Variants in UBE2Z observed in about 807,000 individuals in gnomAD.
The protein encoded by UBE2Z is ubiquitin-conjugating enzyme E2 Z.
Under a neutral mutation model 32.6 loss-of-function variants are expected in UBE2Z, and 10 were observed. That is an observed-to-expected ratio of 0.31 (90% confidence interval 0.19 to 0.52). The LOEUF (loss-of-function observed/expected upper bound fraction) is 0.52. Among genes scored for constraint, UBE2Z ranks in the 20% least tolerant of loss-of-function variants. The pLI, the probability that UBE2Z is intolerant of heterozygous loss-of-function variation, is 0.97. For missense variants in UBE2Z, 343 were observed against 480.9 expected, an observed-to-expected ratio of 0.71 and a Z score of 2.68; for synonymous variants, 183 against 190.8, an observed-to-expected ratio of 0.96 and a Z score of 0.34.
chr17:48,911,650 A>G (rs2040678503), intron 2 of UBE2Z: 1 of 152,150 alleles, frequency 6.6e-6, no homozygotes, highest in South Asian at 2.1e-4. Context: ...GTTGTTTTGA[A>G]TAGATTTCCC....
At chr17:48,913,311 A>G (rs772049597) in intron 3 of UBE2Z, among the ~76,000 whole-genome samples, 9 of 152,114 alleles carry the variant, frequency 5.9e-5, no homozygotes, top group Non-Finnish European at 8.8e-5. Context: ...TAGACCTACA[A>G]AAGAAACTCT....
In UBE2Z at chr17:48,908,551, G is replaced by A. The variant is rs2040646530; in HGVS notation, c.48G>A (p.Ala16=). The A allele has an allele frequency of 8.1e-7, 1 of 1,236,888 alleles. No homozygotes were observed. 76.6% of individuals were successfully genotyped at this position (1,236,888 alleles called of 1,614,324 possible). ...TEEAATAGAG[A]AGPGASSVAG... is the part of the protein sequence containing the mutation. ...AGGCGGCAACGGCGGGCGCCGGGGC[G>A]GCGGGCCCCGGGGCGAGCAGCGTTG... is the stretch of plus-strand genomic sequence containing the variant. Residue 16 remains alanine, a synonymous_variant, in exon 1 of 7, where the codon GCG becomes GCA. Coordinates refer to ENST00000360943, the MANE Select transcript of UBE2Z (RefSeq NM_023079.5).
chr17:48,910,864 C>T lies in UBE2Z; in HGVS notation c.374C>T (p.Thr125Ile). The change falls in exon 2 of 7, where the codon ACT becomes ATT. Residue 125 changes from threonine to isoleucine, a missense_variant. Physicochemically the swap from Thr to Ile is moderately conservative, Grantham distance 89. Coordinates refer to ENST00000360943, the MANE Select transcript of UBE2Z (RefSeq NM_023079.5). ...CCAGGAATGTTCGTTGTACCTGATA[C>T]TGTTGACATGACTAAGGTATGTAAC... ...PPPGMFVVPD[T>I]VDMTKIHALI... 6.2e-7 allele frequency: 1 copy of T among 1,613,334 alleles called. No homozygotes were observed. Among genetic ancestry groups the T allele is most frequent in the Non-Finnish European group, 8.5e-7 (1 of 1,179,566 alleles).
chr17:48,910,918 A>C, intron 2 of UBE2Z, 38 bp downstream of exon 2: 2 of 1,517,916 alleles, frequency 1.3e-6, no homozygotes, highest in Non-Finnish European at 1.8e-6. Context: ...GTTTTGGGAA[A>C]TTGGGGGCCA....
rs537832249 is a variant in UBE2Z at position 48,919,644 on chromosome 17, A to G, written c.691-1516A>G. On this transcript the variant is annotated intron_variant, in intron 4 of 6. Coordinates refer to ENST00000360943, the MANE Select transcript of UBE2Z (RefSeq NM_023079.5). ...GGTGCACACCACCAATGCCCAGCTA[A>G]TTTTTGTATTTTTTATAGAGACGGG... Among the ~76,000 whole-genome samples, 9 of 152,144 alleles carry G rather than the reference A, an allele frequency of 5.9e-5. No homozygotes were observed. The South Asian group carries it at 1.9e-3, about 32-fold the overall frequency.
At chr17:48,923,307 C>A (rs1379421863) in intron 6 of UBE2Z, among the ~76,000 whole-genome samples, 1 of 120,480 alleles carries the variant, frequency 8.3e-6, no homozygotes, top group Non-Finnish European at 1.6e-5. Context: ...GACAACAGAC[C>A]GAGACTCTGT....
Position 48,926,983 on chromosome 17 carries a change from G to C in UBE2Z, c.914G>C (p.Arg305Pro). ...CCACAGGACCCTTTTGGAGAGAAGC[G>C]GGGCCACTTTGACTACCAGTCCCTC... ...QTMQDPFGEK[R>P]GHFDYQSLLM... The change falls in exon 7 of 7, where the codon CGG becomes CCG. Residue 305 changes from arginine (R) to proline (P), a missense_variant. Coordinates refer to ENST00000360943, the MANE Select transcript of UBE2Z (RefSeq NM_023079.5). 2 of 1,613,002 alleles carry C rather than the reference G, an allele frequency of 1.2e-6. No homozygotes were observed.
Position 48,928,794 on chromosome 17 carries a change from G to A in UBE2Z, c.*1660G>A, listed in dbSNP as rs1456411227. On this transcript the variant is annotated 3_prime_UTR_variant, in exon 7 of 7. Transcript: ENST00000360943. ...ATTCCTCGAGCTACTCCAGGGCTTA[G>A]AAGAATGCTCTTGGTCTGTGGGTCC... 2.0e-5 allele frequency: 3 copies of A among 152,664 alleles called. No individual in the cohort carries two copies. Among genetic ancestry groups the A allele is most frequent in the African/African-American group, 7.2e-5 (3 of 41,446 alleles). The allele number at this position is 152,664 out of a possible 1,614,324, so 9.5% of individuals were successfully genotyped here.
intron 4 of UBE2Z, among the ~76,000 whole-genome samples, chr17:48,920,149 C>T (rs1257189616): frequency 6.6e-6 from 1 of 152,008 alleles, no homozygotes; most frequent in Non-Finnish European, 1.5e-5. Context: ...GATCATGCCA[C>T]CACTCTCCAG....
chr17:48,922,997 C>A, intron 6 of UBE2Z, 60 bp downstream of exon 6: 1 of 1,468,042 alleles, frequency 6.8e-7, no homozygotes, highest in Non-Finnish European at 9.4e-7. Flanking sequence ...AAAAGCCCCC[C>A]ACAAGCGTGG....
chr17:48,909,645 C>T (rs747535341), intron 1 of UBE2Z, among the ~76,000 whole-genome samples: 9 of 148,794 alleles, frequency 6.0e-5, no homozygotes, highest in Non-Finnish European at 1.0e-4. Context: ...GTGCTTATTT[C>T]TTGGGTGACT....
At chr17:48,909,505 A>G (rs2040659749) in intron 1 of UBE2Z, among the ~76,000 whole-genome samples, 1 of 149,286 alleles carries the variant, frequency 6.7e-6, no homozygotes, top group Non-Finnish European at 1.5e-5. Context: ...CTGGATTGTA[A>G]TATCCCACTC....
intron 2 of UBE2Z, 33 bp from the exon 3 acceptor site, chr17:48,912,801 C>T (rs1438687851): frequency 6.2e-7 from 1 of 1,611,194 alleles, no homozygotes. Context: ...GGGTCATCAC[C>T]TCACAATTTT....
intron 4 of UBE2Z, among the ~76,000 whole-genome samples, chr17:48,919,876 G>T (rs938364797): frequency 6.6e-6 from 1 of 152,124 alleles, no homozygotes; most frequent in Non-Finnish European, 1.5e-5. Flanking sequence ...ACTTGTTGAT[G>T]CCTGAAGGTT....
intron 3 of UBE2Z, among the ~76,000 whole-genome samples, chr17:48,913,428 C>T (rs2040695323): frequency 6.6e-6 from 1 of 152,174 alleles, no homozygotes; most frequent in South Asian, 2.1e-4. Flanking sequence ...GATCTTGGCT[C>T]ACTGCAACCT....
At chr17:48,921,771 G>A (rs1158691426) in intron 5 of UBE2Z, among the ~76,000 whole-genome samples, 2 of 152,208 alleles carry the variant, frequency 1.3e-5, no homozygotes, top group Non-Finnish European at 2.9e-5. Context: ...GCTCACGCCT[G>A]TAATCCTAGT....
chr17:48,917,286 C>A (rs2040727383), intron 4 of UBE2Z, among the ~76,000 whole-genome samples: 1 of 152,086 alleles, frequency 6.6e-6, no homozygotes, highest in African/African-American at 2.4e-5. Context: ...GCCTGAGCGA[C>A]AGAGCGAGAC....
chr17:48,908,904 C>T (rs1176879453), intron 1 of UBE2Z, 84 bp downstream of exon 1: 2 of 1,019,948 alleles, frequency 2.0e-6, no homozygotes, highest in African/African-American at 2.0e-5. Context: ...TACAACTCAC[C>T]CCCCACCCAC....
chr17:48,916,238 T>G (rs187436865), intron 4 of UBE2Z, 51 bp downstream of exon 4: 190 of 1,053,756 alleles, frequency 1.8e-4, no homozygotes, highest in East Asian at 8.4e-4. Context: ...TTTTTGTTTG[T>G]TTGGTTGGTT....
Sources: gnomAD v4.1 joint callset for allele counts (sites outside exome capture counted in the v4.1 genomes callset) on GRCh38, gnomAD v4.1.1 for gene constraint, MANE v1.5 for transcripts, NCBI Gene and HGNC (gene_info 2026-07-23, HGNC 2026-07-21) for gene names.